CNTNAP2: variants seen among roughly 807,000 people sequenced by gnomAD.
The protein encoded by CNTNAP2 is contactin-associated protein-like 2.
In CNTNAP2, 98 loss-of-function variants were observed where a neutral mutation model predicts 155.2. That is an observed-to-expected ratio of 0.63 (90% confidence interval 0.54 to 0.75). The LOEUF (loss-of-function observed/expected upper bound fraction) is 0.75. Ranked by LOEUF, CNTNAP2 falls within the 30% of genes least tolerant of loss-of-function variation. CNTNAP2 has a pLI of 0.00. For synonymous variants in CNTNAP2, 651 were observed against 631.2 expected, an observed-to-expected ratio of 1.03 and a Z score of -0.47; for missense variants, 1,727 against 1,688.1, an observed-to-expected ratio of 1.02 and a Z score of -0.40.
chr7:148,299,033 T>C (rs1293776419), intron 21 of CNTNAP2, among the ~76,000 whole-genome samples: 3 of 151,198 alleles, frequency 2.0e-5, no homozygotes, highest in Non-Finnish European at 2.9e-5. Flanking sequence ...CTCTGTCGCC[T>C]AGGCTGGAGT....
chr7:146,508,845 A>C (rs1028406550), intron 1 of CNTNAP2, among the ~76,000 whole-genome samples: 12 of 152,104 alleles, frequency 7.9e-5, no homozygotes, highest in African/African-American at 2.7e-4. Context: ...CTCTCGGTCA[A>C]CCCCAGCCAA....
intron 2 of CNTNAP2, among the ~76,000 whole-genome samples, chr7:146,809,660 G>T (rs1803029748): frequency 1.3e-5 from 2 of 150,132 alleles, no homozygotes; most frequent in Non-Finnish European, 3.0e-5. Flanking sequence ...CACTGCACTT[G>T]GTCTCTGCTG....
chr7:146,818,918 G>A (rs992837012), intron 2 of CNTNAP2, among the ~76,000 whole-genome samples: 1 of 151,826 alleles, frequency 6.6e-6, no homozygotes, highest in Non-Finnish European at 1.5e-5. Context: ...AAAAACCACA[G>A]TGATATTCAT....
chr7:147,952,670 C>T (rs538307406), intron 14 of CNTNAP2, among the ~76,000 whole-genome samples: 1 of 152,164 alleles, frequency 6.6e-6, no homozygotes, highest in South Asian at 2.1e-4. Context: ...AGAAAGTCAT[C>T]TCATGTTGAT....
chr7:146,648,429 AC>A (rs959639430), intron 1 of CNTNAP2, among the ~76,000 whole-genome samples: 176 of 152,250 alleles, frequency 1.2e-3, no homozygotes, highest in African/African-American at 3.9e-3. Context: ...AATTAGAAAA[AC>A]TTTTTACCTG....
intron 13 of CNTNAP2, among the ~76,000 whole-genome samples, chr7:147,828,230 C>G (rs1227368830): frequency 6.6e-6 from 1 of 152,146 alleles, no homozygotes; most frequent in African/African-American, 2.4e-5. Context: ...ACAGTCACTG[C>G]AGAACCAGGG....
intron 3 of CNTNAP2, among the ~76,000 whole-genome samples, chr7:146,987,557 ACTT>A (rs1290318760): frequency 6.6e-6 from 1 of 152,082 alleles, no homozygotes; most frequent in Non-Finnish European, 1.5e-5. Context: ...AGTTTGCAAA[ACTT>A]CAAATTAGTC....
intron 13 of CNTNAP2, among the ~76,000 whole-genome samples, chr7:147,647,974 T>C (rs1795393981): frequency 6.6e-6 from 1 of 152,076 alleles, no homozygotes; most frequent in African/African-American, 2.4e-5. Flanking sequence ...CTGCTGGAGT[T>C]TCATGTCAGT....
chr7:147,018,803 G>A (rs753078389), intron 3 of CNTNAP2, among the ~76,000 whole-genome samples: 10 of 151,986 alleles, frequency 6.6e-5, no homozygotes, highest in Non-Finnish European at 1.5e-4. Flanking sequence ...GCCAAAGACA[G>A]GATAGTGTGT....
chr7:148,061,463 C>T (rs904266081), intron 15 of CNTNAP2, among the ~76,000 whole-genome samples: 9 of 152,106 alleles, frequency 5.9e-5, no homozygotes, highest in Non-Finnish European at 1.2e-4. Context: ...AAGTGAGTCT[C>T]CTGCCTCAGT....
chr7:147,801,498 A>G (rs1317855603), intron 13 of CNTNAP2, among the ~76,000 whole-genome samples: 2 of 151,772 alleles, frequency 1.3e-5, no homozygotes, highest in Non-Finnish European at 2.9e-5. Context: ...GTCCCTGGGT[A>G]CTTGAGATTA....
chr7:146,582,636 A>G (rs1798628705), intron 1 of CNTNAP2, among the ~76,000 whole-genome samples: 1 of 152,138 alleles, frequency 6.6e-6, no homozygotes, highest in Non-Finnish European at 1.5e-5. Context: ...CCTTATGCAG[A>G]GTGAGTAACA....
intron 1 of CNTNAP2, among the ~76,000 whole-genome samples, chr7:146,203,058 C>T (rs758802344): frequency 2.0e-5 from 3 of 152,126 alleles, no homozygotes; most frequent in Non-Finnish European, 4.4e-5. Context: ...TATAAAAGAA[C>T]AAACTTTTCT....
In CNTNAP2 at chr7:147,756,876, A is replaced by G. The variant is rs528067751; in HGVS notation, c.2098+117570A>G. Among the ~76,000 whole-genome samples the G allele has an allele frequency of 3.9e-5, 6 of 152,326 alleles. No homozygotes were observed. In the East Asian group the frequency reaches 9.6e-4, roughly 24 times the overall value. ...CAAGTCTCTTTGGCATCCTCCCTTT[A>G]GTGTCTTTATCAGAGTTAGCTACAG... On this transcript the variant is annotated intron_variant, in intron 13 of 23. Coordinates refer to ENST00000361727, the MANE Select transcript of CNTNAP2 (RefSeq NM_014141.6).
intron 15 of CNTNAP2, among the ~76,000 whole-genome samples, chr7:148,115,311 T>C (rs756617183): frequency 2.4e-4 from 37 of 152,258 alleles, no homozygotes; most frequent in Admixed American, 5.9e-4. Flanking sequence ...CTTTCCTTTT[T>C]CTAGAATCAT....
intron 9 of CNTNAP2, among the ~76,000 whole-genome samples, chr7:147,304,125 C>T (rs984286971): frequency 1.3e-5 from 2 of 152,150 alleles, no homozygotes; most frequent in Admixed American, 6.5e-5. Context: ...TCTCTCTGTG[C>T]TTGCTCCCTG....
At chr7:147,016,898 C>T (rs962745789) in intron 3 of CNTNAP2, among the ~76,000 whole-genome samples, 1 of 151,816 alleles carries the variant, frequency 6.6e-6, no homozygotes, top group Non-Finnish European at 1.5e-5. Flanking sequence ...TGTGATTCCA[C>T]AGAGAAAAAT....
chr7:147,718,664 T>C (rs1796518091), intron 13 of CNTNAP2, among the ~76,000 whole-genome samples: 1 of 152,150 alleles, frequency 6.6e-6, no homozygotes, highest in Non-Finnish European at 1.5e-5. Context: ...TTTTGTATCC[T>C]GGGTACCATG....
chr7:147,678,806 T>C (rs1007622792), intron 13 of CNTNAP2, among the ~76,000 whole-genome samples: 1 of 151,920 alleles, frequency 6.6e-6, no homozygotes, highest in Non-Finnish European at 1.5e-5. Flanking sequence ...TTACTACTTA[T>C]AGGTGGGAGT....
Sources: allele counts gnomAD v4.1 joint callset (sites outside exome capture counted in the v4.1 genomes callset), GRCh38; gene constraint gnomAD v4.1.1; transcripts MANE v1.5; gene names NCBI Gene and HGNC (gene_info 2026-07-23, HGNC 2026-07-21).